Variants in DOCK9 observed in about 807,000 individuals in gnomAD.
The protein encoded by DOCK9 is dedicator of cytokinesis protein 9.
In DOCK9, 89 loss-of-function variants were observed where a neutral mutation model predicts 263.3. The ratio of observed to expected loss-of-function variants is 0.34; its 90% CI spans 0.28 to 0.40. DOCK9 has a LOEUF of 0.40. DOCK9 is among the 10% of genes least tolerant of loss of function. The pLI is 1.00. For synonymous variants in DOCK9, 976 were observed against 973.1 expected (o/e 1.00, Z -0.06); for missense variants, 2,140 against 2,603.4 (o/e 0.82, Z 3.87).
chr13:98,910,378 G>C (rs1233567479), intron 9 of DOCK9, among the ~76,000 whole-genome samples: 3 of 152,128 alleles, frequency 2.0e-5, no homozygotes, highest in Non-Finnish European at 4.4e-5. Context: ...AGGAGGAAAA[G>C]AACCAGTTTT....
At chr13:98,860,856 GT>G (rs1316880691) in intron 32 of DOCK9, among the ~76,000 whole-genome samples, 10 of 151,986 alleles carry the variant, frequency 6.6e-5, no homozygotes, top group Non-Finnish European at 7.4e-5. Flanking sequence ...GTTTTGTTTT[GT>G]TTTTTTCCTT....
At chr13:98,989,367 AATAATAATAATG>A (rs984801214) in intron 1 of DOCK9, among the ~76,000 whole-genome samples, 103 of 136,090 alleles carry the variant, frequency 7.6e-4, no homozygotes, top group South Asian at 4.7e-4. Flanking sequence ...TAATAATAAT[AATAATAATAATG>A]ATAATACAGA....
At chr13:99,055,710 A>G (rs1411178198) in intron 1 of DOCK9, among the ~76,000 whole-genome samples, 2 of 152,000 alleles carry the variant, frequency 1.3e-5, no homozygotes, top group Non-Finnish European at 2.9e-5. Context: ...TACTATTACC[A>G]TAATATTGCA....
chr13:98,986,751 T>G (rs963114253), intron 1 of DOCK9, among the ~76,000 whole-genome samples: 9 of 152,158 alleles, frequency 5.9e-5, no homozygotes, highest in Non-Finnish European at 8.8e-5. Flanking sequence ...GCCAGATAGT[T>G]TTAGGGGCTC....
chr13:98,839,728 C>T (rs1378074796), intron 38 of DOCK9, among the ~76,000 whole-genome samples: 1 of 152,194 alleles, frequency 6.6e-6, no homozygotes, highest in African/African-American at 2.4e-5. Flanking sequence ...TGGCTGAAAG[C>T]CTGCAACAAT....
intron 33 of DOCK9, chr13:98,859,075 G>C (rs2093780796): frequency 6.6e-6 from 1 of 152,202 alleles, no homozygotes; most frequent in African/African-American, 2.4e-5. Flanking sequence ...ACTAGTAAAT[G>C]GTCGATTCCA....
In DOCK9 at chr13:98,881,995, T is replaced by C. The variant is rs2044852447; in HGVS notation, c.2572A>G (p.Met858Val). 3 of 1,589,818 alleles carry C rather than the reference T, an allele frequency of 1.9e-6. No individual in the cohort carries two copies. Among genetic ancestry groups the C allele is most frequent in the Non-Finnish European group, 1.7e-6 (2 of 1,167,788 alleles). ...AAGGCGATCATCACGTGGCCTTCCA[T>C]CGCATGCAGACTCTACGGACACAGA... Reference protein sequence around the residue: ...LVKYLKSLHAMEGHVMIAFLP... With the variant: ...LVKYLKSLHAVEGHVMIAFLP... The change falls in exon 24 of 53, where the codon ATG becomes GTG. Residue 858 changes from methionine (M) to valine (V), a missense_variant. Physicochemically the swap from Met to Val is conservative, Grantham distance 21. Transcript: ENST00000682017.
chr13:99,050,613 A>G (rs2040645609), intron 1 of DOCK9, among the ~76,000 whole-genome samples: 1 of 152,204 alleles, frequency 6.6e-6, no homozygotes. Context: ...GAATAGCTTG[A>G]ATGCTGGAGG....
intron 1 of DOCK9, among the ~76,000 whole-genome samples, chr13:99,083,350 A>T (rs758745602): frequency 6.6e-6 from 1 of 152,234 alleles, no homozygotes; most frequent in Non-Finnish European, 1.5e-5. Flanking sequence ...GAACAAACTA[A>T]CAATCAAATA....
chr13:98,798,016 T>A (rs919511924), intron 50 of DOCK9, among the ~76,000 whole-genome samples: 4 of 152,210 alleles, frequency 2.6e-5, no homozygotes, highest in African/African-American at 9.7e-5. Flanking sequence ...TGGGATGAAG[T>A]GAGCGTTTGC....
chr13:98,919,855 T>C (rs1398402091), intron 7 of DOCK9, among the ~76,000 whole-genome samples: 1 of 152,240 alleles, frequency 6.6e-6, no homozygotes, highest in Non-Finnish European at 1.5e-5. Context: ...CTTCAAAACA[T>C]ACGCTTTCTC....
chr13:98,881,018 C>T (rs2044667589), intron 25 of DOCK9, among the ~76,000 whole-genome samples: 1 of 152,176 alleles, frequency 6.6e-6, no homozygotes, highest in African/African-American at 2.4e-5. Context: ...TTGTAATTTA[C>T]AAAGGTATTT....
At chr13:98,865,970 G>T (rs2094008925) in intron 30 of DOCK9, among the ~76,000 whole-genome samples, 1 of 151,748 alleles carries the variant, frequency 6.6e-6, no homozygotes, top group Non-Finnish European at 1.5e-5. Context: ...GTGCAGAATA[G>T]GGGGGTGTGA....
chr13:98,808,606 T>G, intron 47 of DOCK9: 1 of 1,453,166 alleles, frequency 6.9e-7, no homozygotes, highest in Non-Finnish European at 9.6e-7. Context: ...AATTTCACTA[T>G]ATTACTTGCT....
intron 37 of DOCK9, chr13:98,847,697 T>C (rs555154338): frequency 2.6e-5 from 4 of 152,320 alleles, no homozygotes; most frequent in South Asian, 2.1e-4. Flanking sequence ...TGTCGATATA[T>C]AGAGAAACAA....
Position 98,901,889 on chromosome 13 carries a change from T to C in DOCK9, c.1392A>G (p.Ser464=), listed in dbSNP as rs761268257. 6.2e-7 allele frequency: 1 copy of C among 1,612,250 alleles called. No homozygotes were observed. ...ATATATCTGGATGAGGACAAGTGAC[T>C]GAAAATATTCCCTAGGAGGCAAACA... ...AMQYPKQGIF[S]VTCPHPDIFL... is the part of the protein sequence containing the mutation. The change falls in exon 13 of 53, where the codon TCA becomes TCG. Residue 464 remains serine (S), a synonymous_variant. Transcript: ENST00000682017.
chr13:98,970,627 C>A (rs1465642067), intron 1 of DOCK9, among the ~76,000 whole-genome samples: 2 of 152,172 alleles, frequency 1.3e-5, no homozygotes. Flanking sequence ...TTGAGACCCA[C>A]TGGTAAGTGG....
chr13:98,851,296 T>C (rs1399761929), intron 35 of DOCK9, among the ~76,000 whole-genome samples: 1 of 152,236 alleles, frequency 6.6e-6, no homozygotes, highest in Non-Finnish European at 1.5e-5. Flanking sequence ...AAAGGCCGCT[T>C]GGCCTATTAG....
chr13:99,052,172 C>G (rs929037949), intron 1 of DOCK9, among the ~76,000 whole-genome samples: 3 of 152,236 alleles, frequency 2.0e-5, no homozygotes, highest in Non-Finnish European at 4.4e-5. Flanking sequence ...CACAGCTCCA[C>G]AGCCCCTAGG....
Sources: gnomAD v4.1 joint callset for allele counts (sites outside exome capture counted in the v4.1 genomes callset) on GRCh38, gnomAD v4.1.1 for gene constraint, MANE v1.5 for transcripts, NCBI Gene and HGNC (gene_info 2026-07-23, HGNC 2026-07-21) for gene names.